Variants in GALNTL6 observed in about 807,000 individuals in gnomAD.
GALNTL6 encodes polypeptide N-acetylgalactosaminyltransferase like 6.
In GALNTL6, 46 loss-of-function variants were observed where a neutral mutation model predicts 73.7. The observed-to-expected ratio is 0.62, with a 90% CI of 0.49 to 0.80. The LOEUF (loss-of-function observed/expected upper bound fraction) is 0.80. GALNTL6 is among the 30% of genes least tolerant of loss of function. The pLI is 0.00. For synonymous variants in GALNTL6, 259 were observed against 263.7 expected, an observed-to-expected ratio of 0.98 and a Z score of 0.17; for missense variants, 604 against 755.0, an observed-to-expected ratio of 0.80 and a Z score of 2.34.
At chr4:171,897,525 TA>T (rs1327929753) in intron 2 of GALNTL6, among the ~76,000 whole-genome samples, 1 of 152,074 alleles carries the variant, frequency 6.6e-6, no homozygotes, top group Non-Finnish European at 1.5e-5. Context: ...ATTCACCATT[TA>T]AAAAAATAAA....
chr4:172,153,555 C>T (rs1734162690), intron 2 of GALNTL6, among the ~76,000 whole-genome samples: 2 of 152,088 alleles, frequency 1.3e-5, no homozygotes, highest in African/African-American at 4.8e-5. Flanking sequence ...TAAAATGCCA[C>T]GTTTAAAATC....
intron 10 of GALNTL6, among the ~76,000 whole-genome samples, chr4:172,993,866 G>C (rs1171270797): frequency 2.6e-5 from 4 of 152,160 alleles, no homozygotes; most frequent in Non-Finnish European, 5.9e-5. Context: ...AGGTTGCAGT[G>C]AGCCGAGATT....
chr4:171,941,496 C>A (rs1255734254), intron 2 of GALNTL6, among the ~76,000 whole-genome samples: 1 of 152,140 alleles, frequency 6.6e-6, no homozygotes, highest in Non-Finnish European at 1.5e-5. Flanking sequence ...GTAACATTGA[C>A]AGTATGGGAC....
intron 2 of GALNTL6, among the ~76,000 whole-genome samples, chr4:171,910,953 C>T (rs1360975608): frequency 2.0e-5 from 3 of 152,082 alleles, no homozygotes; most frequent in African/African-American, 7.2e-5. Context: ...CTTGGACATT[C>T]TTCTAGTTCT....
intron 5 of GALNTL6, among the ~76,000 whole-genome samples, chr4:172,725,643 G>C (rs1743961350): frequency 6.6e-6 from 1 of 152,144 alleles, no homozygotes; most frequent in East Asian, 1.9e-4. Flanking sequence ...GGTGTAGAAG[G>C]GTTAGAGATA....
intron 2 of GALNTL6, among the ~76,000 whole-genome samples, chr4:172,118,258 C>T (rs2110992181): frequency 6.6e-6 from 1 of 152,068 alleles, no homozygotes; most frequent in Middle Eastern, 3.4e-3. Flanking sequence ...TTTAAAAAGC[C>T]ATTTCAAGTG....
chr4:172,877,481 A>G (rs1745249046), intron 7 of GALNTL6, among the ~76,000 whole-genome samples: 1 of 152,086 alleles, frequency 6.6e-6, no homozygotes, highest in Admixed American at 6.6e-5. Flanking sequence ...TGCATTCACA[A>G]ATGAAAACAT....
chr4:172,552,581 A>C (rs1384214113), intron 5 of GALNTL6, among the ~76,000 whole-genome samples: 1 of 152,088 alleles, frequency 6.6e-6, no homozygotes, highest in Non-Finnish European at 1.5e-5. Flanking sequence ...GTTTAATAGC[A>C]AACATTGAAA....
rs564069506 is a variant in GALNTL6, at chr4:172,338,292, G to A, written c.387-10231G>A. 3.9e-5 allele frequency among the ~76,000 whole-genome samples: 6 copies of A among 152,166 alleles called. No individual in the cohort carries two copies. The East Asian group carries it at 1.2e-3, about 29-fold the overall frequency. On this transcript the variant is annotated intron_variant, in intron 4 of 12. Transcript: ENST00000506823. ...ATTTTGGTTAGGGAATATTGCTAGA[G>A]AGTGAGCGTGATCCTTTCATGCTGT...
intron 2 of GALNTL6, among the ~76,000 whole-genome samples, chr4:172,199,021 C>T (rs1435905274): frequency 6.6e-6 from 1 of 152,144 alleles, no homozygotes; most frequent in Non-Finnish European, 1.5e-5. Flanking sequence ...AGTACACTGA[C>T]TACACTGTGC....
intron 7 of GALNTL6, among the ~76,000 whole-genome samples, chr4:172,815,924 C>G (rs1741577724): frequency 6.6e-6 from 1 of 152,116 alleles, no homozygotes; most frequent in African/African-American, 2.4e-5. Flanking sequence ...ACCGTGTTTG[C>G]CTTCCTGATA....
chr4:172,291,512 C>T (rs577018599), intron 3 of GALNTL6, among the ~76,000 whole-genome samples: 13 of 152,006 alleles, frequency 8.6e-5, no homozygotes, highest in Middle Eastern at 6.8e-3. Context: ...CTGAATGCAC[C>T]AGATTATTAT....
intron 2 of GALNTL6, among the ~76,000 whole-genome samples, chr4:172,172,320 C>T (rs143882670): frequency 7.2e-5 from 11 of 152,212 alleles, no homozygotes; most frequent in African/African-American, 2.4e-4. Context: ...GCCTCAGCCT[C>T]TCAGGTAGCT....
chr4:172,594,331 C>T (rs529344206), intron 5 of GALNTL6, among the ~76,000 whole-genome samples: 40 of 152,070 alleles, frequency 2.6e-4, no homozygotes, highest in Non-Finnish European at 7.4e-5. Flanking sequence ...GGTGACAGAG[C>T]GAAACTCTGT....
chr4:171,975,814 A>G (rs974543946), intron 2 of GALNTL6, among the ~76,000 whole-genome samples: 2 of 152,188 alleles, frequency 1.3e-5, no homozygotes, highest in African/African-American at 4.8e-5. Context: ...TATCTCAAGT[A>G]TTTTTTGAAA....
intron 10 of GALNTL6, among the ~76,000 whole-genome samples, chr4:172,987,292 T>C (rs141676765): frequency 1.5e-4 from 23 of 152,200 alleles, no homozygotes; most frequent in East Asian, 1.9e-4. Context: ...CACATCCTTA[T>C]TCACATGGTG....
intron 2 of GALNTL6, among the ~76,000 whole-genome samples, chr4:172,049,182 T>A (rs1730743760): frequency 6.6e-6 from 1 of 152,180 alleles, no homozygotes; most frequent in Admixed American, 6.5e-5. Context: ...TATATATTTC[T>A]TTGTGGGTCT....
intron 5 of GALNTL6, among the ~76,000 whole-genome samples, chr4:172,778,965 A>C (rs1445811612): frequency 8.9e-5 from 13 of 145,980 alleles, no homozygotes; most frequent in Admixed American, 2.1e-4. Flanking sequence ...TTTTACTACC[A>C]CCCCCCTTCA....
chr4:172,533,713 G>A (rs912910924), intron 5 of GALNTL6, among the ~76,000 whole-genome samples: 6 of 152,112 alleles, frequency 3.9e-5, no homozygotes, highest in African/African-American at 1.4e-4. Context: ...TAAACTATAA[G>A]TTAGGTCATC....
Sources: allele counts gnomAD v4.1 joint callset (sites outside exome capture counted in the v4.1 genomes callset), GRCh38; gene constraint gnomAD v4.1.1; transcripts MANE v1.5; gene names NCBI Gene and HGNC (gene_info 2026-07-23, HGNC 2026-07-21).